SLIT3: variants seen among roughly 807,000 people sequenced by gnomAD.
The protein encoded by SLIT3 is slit guidance ligand 3.
A neutral mutation model predicts 184.0 loss-of-function variants in SLIT3; 68 were observed. That is an observed-to-expected ratio of 0.37 (90% CI 0.30 to 0.45). SLIT3 has a LOEUF of 0.45. SLIT3 is among the 20% of genes least tolerant of loss of function. The pLI is 1.00. For synonymous variants in SLIT3, 831 were observed against 828.6 expected, an observed-to-expected ratio of 1.00 and a Z score of -0.05; for missense variants, 1,707 against 2,026.0, an observed-to-expected ratio of 0.84 and a Z score of 3.02.
intron 6 of SLIT3, among the ~76,000 whole-genome samples, chr5:168,834,520 C>T (rs1302092401): frequency 6.6e-6 from 1 of 151,082 alleles, no homozygotes. Flanking sequence ...GGTGAAACCC[C>T]GTCTCTACTA....
intron 4 of SLIT3, among the ~76,000 whole-genome samples, chr5:169,068,723 C>T (rs1162695469): frequency 2.0e-5 from 3 of 152,064 alleles, no homozygotes; most frequent in Non-Finnish European, 4.4e-5. Flanking sequence ...CATCTCTGGG[C>T]TCAAGCATGC....
chr5:168,939,576 G>A (rs373391062), intron 4 of SLIT3, among the ~76,000 whole-genome samples: 204 of 152,344 alleles, frequency 1.3e-3, no homozygotes, highest in African/African-American at 4.5e-3. Context: ...AACTTTAAGA[G>A]TTCTCCTATA....
intron 1 of SLIT3, among the ~76,000 whole-genome samples, chr5:169,285,981 A>T (rs532099907): frequency 6.6e-6 from 1 of 152,328 alleles, no homozygotes; most frequent in East Asian, 1.9e-4. Context: ...TAGAACACTA[A>T]GTTTTGGGGT....
chr5:169,264,016 A>G (rs1212083166), intron 1 of SLIT3, among the ~76,000 whole-genome samples: 1 of 151,150 alleles, frequency 6.6e-6, no homozygotes, highest in African/African-American at 2.4e-5. Context: ...AGTATTATCA[A>G]TGTTTTCTGG....
intron 4 of SLIT3, among the ~76,000 whole-genome samples, chr5:168,959,495 C>A (rs889939189): frequency 3.3e-5 from 5 of 152,182 alleles, no homozygotes; most frequent in African/African-American, 1.2e-4. Context: ...TGCGTCTGTG[C>A]AGGATAAAGC....
In SLIT3 at chr5:168,699,244, G is replaced by C. The variant is rs183481438; in HGVS notation, c.2942+1338C>G. 5.4e-3 allele frequency among the ~76,000 whole-genome samples: 824 copies of C among 152,376 alleles called. 10 individuals carry two copies. Among genetic ancestry groups the C allele is most frequent in the African/African-American group, 0.019 (787 of 41,586 alleles). The stretch of plus-strand genomic sequence containing the variant: ...TGGCAGGTGGACACGTGGGCGGGCG[G>C]GTTCCCGGGGGAAGAGAACCGGGAG... On this transcript the variant is annotated intron_variant, in intron 27 of 35. Transcript: ENST00000519560.
chr5:168,835,170 C>T (rs1331336602), intron 6 of SLIT3, among the ~76,000 whole-genome samples: 1 of 152,046 alleles, frequency 6.6e-6, no homozygotes, highest in Non-Finnish European at 1.5e-5. Flanking sequence ...CCAGGGTTGG[C>T]AAACCTTCTA....
intron 6 of SLIT3, among the ~76,000 whole-genome samples, chr5:168,832,288 A>G (rs1757905611): frequency 6.6e-6 from 1 of 152,240 alleles, no homozygotes; most frequent in African/African-American, 2.4e-5. Flanking sequence ...TTGAAAAGGG[A>G]AGAAACAGGC....
intron 5 of SLIT3, among the ~76,000 whole-genome samples, chr5:168,879,020 C>G (rs1015057442): frequency 6.6e-6 from 1 of 152,182 alleles, no homozygotes; most frequent in Non-Finnish European, 1.5e-5. Flanking sequence ...TGGCCACAGC[C>G]TCTTCTTTCT....
chr5:168,875,919 C>G (rs1759714507), intron 5 of SLIT3, among the ~76,000 whole-genome samples: 1 of 152,148 alleles, frequency 6.6e-6, no homozygotes, highest in Non-Finnish European at 1.5e-5. Context: ...AATTCTGAAC[C>G]TGACACTCTC....
At chr5:168,775,546 C>A (rs1404200299) in intron 12 of SLIT3, among the ~76,000 whole-genome samples, 1 of 152,166 alleles carries the variant, frequency 6.6e-6, no homozygotes, top group African/African-American at 2.4e-5. Context: ...TTATTTCCCT[C>A]CTGGCACTCA....
intron 4 of SLIT3, among the ~76,000 whole-genome samples, chr5:169,058,617 G>C (rs78097174): frequency 6.6e-6 from 1 of 152,236 alleles, no homozygotes; most frequent in African/African-American, 2.4e-5. Flanking sequence ...TCATGTCACA[G>C]TGTCAAAAGC....
intron 26 of SLIT3, among the ~76,000 whole-genome samples, chr5:168,702,952 C>A (rs1446471785): frequency 6.6e-6 from 1 of 152,116 alleles, no homozygotes; most frequent in Admixed American, 6.5e-5. Flanking sequence ...CAAACCCTCC[C>A]AACTATGGCG....
chr5:168,881,852 C>T (rs1759966384), intron 5 of SLIT3, among the ~76,000 whole-genome samples: 1 of 152,194 alleles, frequency 6.6e-6, no homozygotes, highest in Non-Finnish European at 1.5e-5. Flanking sequence ...ACCTGTCCTG[C>T]AAAGGAGCTC....
chr5:169,229,559 G>A (rs745520997), intron 3 of SLIT3, among the ~76,000 whole-genome samples: 5 of 152,132 alleles, frequency 3.3e-5, no homozygotes, highest in Non-Finnish European at 5.9e-5. Context: ...AGTTTGGTAT[G>A]TATTTGGCAT....
intron 20 of SLIT3, among the ~76,000 whole-genome samples, chr5:168,738,288 A>T (rs189169851): frequency 2.6e-4 from 40 of 152,274 alleles, no homozygotes; most frequent in African/African-American, 9.4e-4. Flanking sequence ...CATCGCTACC[A>T]AATGAAACTG....
At chr5:168,946,638 C>T (rs533913901) in intron 4 of SLIT3, among the ~76,000 whole-genome samples, 5 of 152,218 alleles carry the variant, frequency 3.3e-5, no homozygotes, top group African/African-American at 1.2e-4. Context: ...CAAGCACAGG[C>T]CCTGAATCAT....
At chr5:168,705,438 TATCATC>T (rs935670553) in intron 26 of SLIT3, among the ~76,000 whole-genome samples, 3 of 152,100 alleles carry the variant, frequency 2.0e-5, no homozygotes, top group African/African-American at 7.2e-5. Context: ...TTATCATAGT[TATCATC>T]ATCATCACCA....
intron 4 of SLIT3, among the ~76,000 whole-genome samples, chr5:168,909,914 CT>C (rs1381917872): frequency 6.6e-6 from 1 of 152,202 alleles, no homozygotes; most frequent in African/African-American, 2.4e-5. Flanking sequence ...TTAGAGAAAC[CT>C]TTCTGTCTCC....
Sources: gnomAD v4.1 joint callset for allele counts (sites outside exome capture counted in the v4.1 genomes callset) on GRCh38, gnomAD v4.1.1 for gene constraint, MANE v1.5 for transcripts, NCBI Gene and HGNC (gene_info 2026-07-23, HGNC 2026-07-21) for gene names.